The following CCSER1 variants were observed in gnomAD, a reference collection of about 807,000 sequenced individuals.
CCSER1 encodes the protein coiled-coil serine rich protein 1, also known as serine-rich coiled-coil domain-containing protein 1.
Under a neutral mutation model 82.0 loss-of-function variants are expected in CCSER1, and 41 were observed. The observed-to-expected ratio is 0.50, with a 90% CI of 0.39 to 0.65. The LOEUF is 0.65. CCSER1 is among the 30% of genes least tolerant of loss of function. The pLI, the probability that CCSER1 is intolerant of heterozygous loss-of-function variation, is 0.00. For missense variants in CCSER1, 1,119 were observed against 1,064.2 expected (o/e 1.05, Z -0.72); for synonymous variants, 414 against 383.9 (o/e 1.08, Z -0.92).
rs1731184417 is a variant in CCSER1, at chr4:90,938,184, GAT to G, written c.2172+14739_2172+14740del. The stretch of plus-strand genomic sequence containing the variant: ...TTTAGAGACTAAAATATAATAATAA[GAT>G]AATAATTGTTGCAGATTAGCAAAAT... On this transcript the variant is annotated intron_variant, in intron 9 of 10. Coordinates refer to ENST00000509176, the MANE Select transcript of CCSER1 (RefSeq NM_001145065.2). 2.0e-5 allele frequency among the ~76,000 whole-genome samples: 3 copies of G among 152,102 alleles called. No homozygotes were observed. In the South Asian group the frequency reaches 6.2e-4, roughly 32 times the overall value.
intron 3 of CCSER1, 147 bp downstream of exon 3, chr4:90,313,194 A>G: frequency 1.5e-6 from 1 of 677,060 alleles, no homozygotes; most frequent in Non-Finnish European, 2.5e-6. Flanking sequence ...ATTACAAGTC[A>G]GAGAAACAAA....
intron 10 of CCSER1, among the ~76,000 whole-genome samples, chr4:91,572,389 G>C (rs560114250): frequency 3.0e-4 from 46 of 152,200 alleles, no homozygotes; most frequent in African/African-American, 1.0e-3. Flanking sequence ...GTCCAGCCCA[G>C]TGAGGAGGAA....
chr4:90,748,736 G>C (rs1285814445), intron 7 of CCSER1, among the ~76,000 whole-genome samples: 1 of 149,142 alleles, frequency 6.7e-6, no homozygotes, highest in Non-Finnish European at 1.5e-5. Context: ...ATTCTAACTG[G>C]TGTGAGATGG....
At chr4:90,513,469 G>T (rs1211638021) in intron 5 of CCSER1, among the ~76,000 whole-genome samples, 1 of 152,158 alleles carries the variant, frequency 6.6e-6, no homozygotes, top group Non-Finnish European at 1.5e-5. Flanking sequence ...TGCATGAGTT[G>T]CAGTTATGAA....
chr4:91,578,054 T>A (rs527295744), intron 10 of CCSER1, among the ~76,000 whole-genome samples: 1 of 152,094 alleles, frequency 6.6e-6, no homozygotes, highest in South Asian at 2.1e-4. Context: ...AAATCTAATG[T>A]GTGTGAAGCA....
intron 10 of CCSER1, among the ~76,000 whole-genome samples, chr4:91,416,772 A>G (rs1278619298): frequency 6.6e-6 from 1 of 152,206 alleles, no homozygotes; most frequent in African/African-American, 2.4e-5. Context: ...TCTAGGCAAT[A>G]CCATTCAGGA....
chr4:91,084,732 T>C (rs1028242231), intron 9 of CCSER1, among the ~76,000 whole-genome samples: 2 of 152,126 alleles, frequency 1.3e-5, no homozygotes, highest in Non-Finnish European at 2.9e-5. Context: ...ACCACCTATA[T>C]ACAAAAATAA....
intron 10 of CCSER1, among the ~76,000 whole-genome samples, chr4:91,143,492 C>G (rs553675827): frequency 2.0e-5 from 3 of 152,064 alleles, no homozygotes; most frequent in South Asian, 4.1e-4. Context: ...CCTGATTGCT[C>G]TAATTAGGAC....
intron 3 of CCSER1, among the ~76,000 whole-genome samples, chr4:90,398,382 C>T (rs2153543236): frequency 6.6e-6 from 1 of 152,276 alleles, no homozygotes; most frequent in Non-Finnish European, 1.5e-5. Context: ...AAATTATTTA[C>T]CCCAATTAGA....
intron 5 of CCSER1, among the ~76,000 whole-genome samples, chr4:90,492,144 T>C (rs1768134775): frequency 6.6e-6 from 1 of 152,152 alleles, no homozygotes; most frequent in Non-Finnish European, 1.5e-5. Flanking sequence ...ATCTGTCTGG[T>C]CCTGGACTTT....
chr4:90,686,514 A>G (rs959793495), intron 6 of CCSER1, among the ~76,000 whole-genome samples: 8 of 151,854 alleles, frequency 5.3e-5, no homozygotes, highest in South Asian at 2.1e-4. Flanking sequence ...CAGTCCCCCA[A>G]ATTTCCAAAT....
At chr4:91,131,935 T>C (rs7686812) in intron 10 of CCSER1, among the ~76,000 whole-genome samples, 78,480 of 151,412 alleles carry the variant, frequency 0.52, 20,438 homozygotes, top group East Asian at 0.69. Flanking sequence ...CGAAAATCTC[T>C]GAGCTTATAC....
intron 6 of CCSER1, among the ~76,000 whole-genome samples, chr4:90,643,299 A>G (rs904609099): frequency 6.6e-6 from 1 of 152,210 alleles, no homozygotes; most frequent in African/African-American, 2.4e-5. Flanking sequence ...GCTAGTTCCC[A>G]TAACACTTTG....
intron 5 of CCSER1, among the ~76,000 whole-genome samples, chr4:90,481,992 A>T (rs898869240): frequency 6.6e-6 from 1 of 152,156 alleles, no homozygotes; most frequent in Non-Finnish European, 1.5e-5. Context: ...CTGTGAATCC[A>T]TCTGGTCCTG....
intron 10 of CCSER1, among the ~76,000 whole-genome samples, chr4:91,290,808 T>C (rs1410761945): frequency 6.6e-6 from 1 of 151,976 alleles, no homozygotes; most frequent in Non-Finnish European, 1.5e-5. Flanking sequence ...TTGCCTATTA[T>C]GAAATTATTC....
chr4:91,253,321 C>CA lies in CCSER1; in HGVS notation c.2217+167331dup, dbSNP rs1374000365. Among the ~76,000 whole-genome samples, 5 of 152,036 alleles carry CA rather than the reference C, an allele frequency of 3.3e-5. No homozygotes were observed. In the East Asian group the frequency reaches 9.6e-4, roughly 29 times the overall value. On this transcript the variant is annotated intron_variant, in intron 10 of 10. Coordinates refer to ENST00000509176, the MANE Select transcript of CCSER1 (RefSeq NM_001145065.2). Reference sequence around the variant, plus strand: ...TACATTATATAATTTATATAATATACAAAATATGTGTTAATCAATTGTCTG... The same window carrying CA: ...TACATTATATAATTTATATAATATACAAAAATATGTGTTAATCAATTGTCTG...
chr4:90,667,656 T>C (rs1373580917), intron 6 of CCSER1, among the ~76,000 whole-genome samples: 1 of 152,162 alleles, frequency 6.6e-6, no homozygotes, highest in Non-Finnish European at 1.5e-5. Context: ...TCCATGTCCC[T>C]GCAAAGAACA....
chr4:91,007,438 T>C (rs1053967686), intron 9 of CCSER1, among the ~76,000 whole-genome samples: 1 of 152,162 alleles, frequency 6.6e-6, no homozygotes, highest in Non-Finnish European at 1.5e-5. Flanking sequence ...GCTGGATGAA[T>C]TAATTATTGA....
intron 10 of CCSER1, among the ~76,000 whole-genome samples, chr4:91,149,777 T>C (rs1185662495): frequency 1.3e-5 from 2 of 152,206 alleles, no homozygotes. Flanking sequence ...TTGTCAAAGA[T>C]CAGGTGGTAG....
Sources: gnomAD v4.1 joint callset for allele counts (sites outside exome capture counted in the v4.1 genomes callset) on GRCh38, gnomAD v4.1.1 for gene constraint, MANE v1.5 for transcripts, NCBI Gene and HGNC (gene_info 2026-07-23, HGNC 2026-07-21) for gene names.